Variants in OPTC observed in about 807,000 individuals in gnomAD.
The protein encoded by OPTC is opticin, also known as oculoglycan.
OPTC carries 22 observed loss-of-function variants against 25.4 expected under a neutral mutation model. The observed-to-expected ratio is 0.87, with a 90% CI of 0.62 to 1.24. The LOEUF (loss-of-function observed/expected upper bound fraction) is 1.24. Among genes scored for constraint, OPTC ranks in the 50% most tolerant of loss-of-function variants. The pLI, the probability that OPTC is intolerant of heterozygous loss-of-function variation, is 0.00. For missense variants in OPTC, 417 were observed against 425.2 expected (o/e 0.98, Z 0.17); for synonymous variants, 169 against 179.3 (o/e 0.94, Z 0.46).
At chr1:203,496,793 ACATGCTGGACCTGATGCTCTGTC>A (rs1661287854) in intron 2 of OPTC, among the ~76,000 whole-genome samples, 161 bp from the exon 3 acceptor site, 2 of 151,986 alleles carry the variant, frequency 1.3e-5, no homozygotes, top group African/African-American at 4.8e-5. Context: ...CATAGGATGG[ACATGCTGGACCTGATGCTCTGTC>A]AGGTCCCCTT....
intron 3 of OPTC, among the ~76,000 whole-genome samples, chr1:203,497,873 G>A (rs1243343128): frequency 6.6e-6 from 1 of 152,098 alleles, no homozygotes; most frequent in Admixed American, 6.5e-5. Context: ...AAAGATGCTG[G>A]GGCCCCTCTG....
In OPTC at chr1:203,498,734, G is replaced by A; in HGVS notation, c.424G>A (p.Asp142Asn). 1.2e-6 allele frequency: 2 copies of A among 1,614,166 alleles called. No homozygotes were observed. The highest frequency in any genetic ancestry group is 1.7e-6 in the Non-Finnish European group (2 of 1,180,032). The change falls in exon 4 of 8, where the codon GAC becomes AAC. Residue 142 changes from aspartate (D) to asparagine (N), a missense_variant. Asp to Asn is a conservative substitution (Grantham distance 23). Transcript: ENST00000367222. ...VCLGSSVYCD[D>N]IDLEDIPPLP... ...CCTCGGTTCCTCTGTGTATTGCGAT[G>A]ACATTGACCTAGAGGACATTCCTCC...
intron 7 of OPTC, among the ~76,000 whole-genome samples, chr1:203,506,048 C>A (rs1242627163): frequency 6.6e-6 from 1 of 152,072 alleles, no homozygotes; most frequent in East Asian, 1.9e-4. Flanking sequence ...CGTTCCATAT[C>A]CTGCTTTATT....
intron 7 of OPTC, among the ~76,000 whole-genome samples, chr1:203,507,086 A>G (rs1032401046): frequency 5.3e-5 from 8 of 152,178 alleles, no homozygotes; most frequent in African/African-American, 1.7e-4. Context: ...TGCACCAGGG[A>G]GGGAAGGAGG....
rs1035061821 is a variant in OPTC, at chr1:203,503,401, C to T, written c.829-149C>T. On this transcript the variant is annotated intron_variant, in intron 6 of 7. Coordinates refer to ENST00000367222, the MANE Select transcript of OPTC (RefSeq NM_014359.4). ...CCCCCCTGGGGCTCCTCTTCTCACC[C>T]TTGTTGTGTGGCTTTGGCCCTAGAT... is the stretch of plus-strand genomic sequence containing the variant. The T allele has an allele frequency of 1.4e-5, 11 of 785,598 alleles. No homozygotes were observed. The African/African-American group carries it at 1.9e-4, about 13-fold the overall frequency. 48.7% of individuals were successfully genotyped at this position (785,598 alleles called of 1,614,324 possible).
At chr1:203,500,674 G>C (rs1661379326) in intron 5 of OPTC, among the ~76,000 whole-genome samples, 1 of 152,176 alleles carries the variant, frequency 6.6e-6, no homozygotes, top group South Asian at 2.1e-4. Flanking sequence ...CCTGTTACTG[G>C]CTGAGCATCC....
At chr1:203,498,578 A>T (rs1250868513) in intron 3 of OPTC, 103 bp from the exon 4 acceptor site, 1 of 1,445,726 alleles carries the variant, frequency 6.9e-7, no homozygotes, top group African/African-American at 1.4e-5. Context: ...ATAGGCTATC[A>T]AAAAGGCACA....
intron 1 of OPTC, among the ~76,000 whole-genome samples, chr1:203,495,246 CG>C (rs201020206): frequency 0.011 from 1,608 of 152,272 alleles, 18 homozygotes; most frequent in Middle Eastern, 0.048. Flanking sequence ...CAACTGGGCG[CG>C]GTGGCTCACA....
chr1:203,503,810 T>A, intron 7 of OPTC, 65 bp downstream of exon 7: 1 of 1,385,774 alleles, frequency 7.2e-7, no homozygotes, highest in East Asian at 2.3e-5. Context: ...TCCTTATCTT[T>A]AAACGGTGAT....
At chr1:203,503,425 A>G (rs1230147675) in intron 6 of OPTC, 125 bp from the exon 7 acceptor site, 4 of 968,824 alleles carry the variant, frequency 4.1e-6, no homozygotes. Context: ...TTGGCCCTAG[A>G]TGCTTCAGTT....
At chr1:203,499,333 A>T (rs1427073959) in intron 4 of OPTC, among the ~76,000 whole-genome samples, 1 of 152,054 alleles carries the variant, frequency 6.6e-6, no homozygotes, top group Non-Finnish European at 1.5e-5. Flanking sequence ...TAGACTCACA[A>T]GTGGAGGTGA....
At chr1:203,507,405 C>T (rs865870321) in intron 7 of OPTC, among the ~76,000 whole-genome samples, 1 of 152,204 alleles carries the variant, frequency 6.6e-6, no homozygotes, top group South Asian at 2.1e-4. Context: ...TCATGCCAGC[C>T]GGCAGTCTAG....
chr1:203,503,085 C>A, intron 6 of OPTC, 76 bp downstream of exon 6: 1 of 1,151,558 alleles, frequency 8.7e-7, no homozygotes, highest in Non-Finnish European at 1.3e-6. Flanking sequence ...CAGGTCGTGG[C>A]AGAGAGAGGC....
intron 7 of OPTC, among the ~76,000 whole-genome samples, chr1:203,504,774 C>T (rs774617997): frequency 3.9e-5 from 6 of 152,222 alleles, no homozygotes; most frequent in Admixed American, 3.3e-4. Context: ...GTCTCTTGAG[C>T]GTGGTTGGCT....
intron 2 of OPTC, 118 bp from the exon 3 acceptor site, chr1:203,496,859 C>G (rs1010695163): frequency 9.6e-5 from 102 of 1,058,964 alleles, no homozygotes; most frequent in Non-Finnish European, 1.5e-5. Context: ...CTTCCCTCCT[C>G]CTCCTCCACA....
intron 7 of OPTC, among the ~76,000 whole-genome samples, chr1:203,505,129 CTTACTCACGCAGGAGGATCT>C (rs1661458030): frequency 1.3e-5 from 2 of 152,200 alleles, no homozygotes; most frequent in African/African-American, 4.8e-5. Flanking sequence ...AGGGAATTCA[CTTACTCACGCAGGAGGATCT>C]TATGGAGCAC....
chr1:203,501,946 G>C (rs1661397700), intron 5 of OPTC, among the ~76,000 whole-genome samples: 1 of 152,278 alleles, frequency 6.6e-6, no homozygotes, highest in East Asian at 1.9e-4. Context: ...ACTCAGAGCT[G>C]TTTTCTCAGC....
rs147835078 is a variant in OPTC at position 203,503,580 on chromosome 1, G to T, written c.859G>T (p.Val287Phe). 1 of 1,613,684 alleles carries T rather than the reference G, an allele frequency of 6.2e-7. No individual in the cohort carries two copies. The highest frequency in any genetic ancestry group is 2.2e-5 in the East Asian group (1 of 44,872). ...CCTGATAGAGACCATGCAGAGAGACGTCTTCTGTGACCCCGAGGAGCACAA... is the reference window on the plus strand; with the variant it reads ...CCTGATAGAGACCATGCAGAGAGACTTCTTCTGTGACCCCGAGGAGCACAA... ...NNLIETMQRD[V>F]FCDPEEHKHT... The change falls in exon 7 of 8, where the codon GTC becomes TTC. Residue 287 changes from valine to phenylalanine, a missense_variant. By Grantham distance (50) the Val-to-Phe change is conservative. Transcript: ENST00000367222.
intron 7 of OPTC, among the ~76,000 whole-genome samples, 163 bp downstream of exon 7, chr1:203,503,908 T>C (rs1264604440): frequency 2.0e-5 from 3 of 152,196 alleles, no homozygotes; most frequent in Non-Finnish European, 2.9e-5. Flanking sequence ...ACTCATGTAC[T>C]GAAATGTTTT....
Sources: allele counts gnomAD v4.1 joint callset (sites outside exome capture counted in the v4.1 genomes callset), GRCh38; gene constraint gnomAD v4.1.1; transcripts MANE v1.5; gene names NCBI Gene and HGNC (gene_info 2026-07-23, HGNC 2026-07-21).